OR52N4: variants seen among roughly 807,000 people sequenced by gnomAD.
The protein encoded by OR52N4 is olfactory receptor 52N4.
In OR52N4, 15 loss-of-function variants were observed where a neutral mutation model predicts 15.0. That is an observed-to-expected ratio of 1.00 (90% CI 0.67 to 1.54). The LOEUF (loss-of-function observed/expected upper bound fraction) is 1.54. Among genes scored for constraint, OR52N4 ranks in the 40% most tolerant of loss-of-function variants. The pLI, the probability that OR52N4 is intolerant of heterozygous loss-of-function variation, is 0.00. For synonymous variants in OR52N4, 143 were observed against 143.7 expected, an observed-to-expected ratio of 1.00 and a Z score of 0.03; for missense variants, 421 against 394.0, an observed-to-expected ratio of 1.07 and a Z score of -0.58.
chr11:5,746,117 T>C, the OR52N4 span, among the ~76,000 whole-genome samples: 1 of 152,164 alleles, frequency 6.6e-6, no homozygotes, highest in South Asian at 2.1e-4. Context: ...AGAATGAGCC[T>C]GAACCTCTAT....
At chr11:5,737,279 A>G in the OR52N4 span, 6 of 1,613,992 alleles carry the variant, frequency 3.7e-6, no homozygotes, top group Non-Finnish European at 4.2e-6. Flanking sequence ...TTCACATCTC[A>G]CCCTCATCCT....
chr11:5,755,552 T>TC lies in OR52N4; in HGVS notation c.818dup (p.Ser274PhefsTer41), dbSNP rs1227779071. 6.2e-7 allele frequency: 1 copy of TC among 1,613,572 alleles called. No homozygotes were observed. The highest frequency in any genetic ancestry group is 1.3e-5 in the African/African-American group (1 of 74,818). The stretch of plus-strand genomic sequence containing the variant: ...TCCCACCGCTTTGGGGAACACATAA[T>TC]CCCCCCTTCTTGCCACATCATTGTA... On this transcript the variant is annotated frameshift_variant, in exon 2 of 2. Coordinates refer to ENST00000641350, the MANE Select transcript of OR52N4 (RefSeq NM_001005175.5). LOFTEE classifies it high-confidence loss of function.
chr11:5,734,350 C>A, the OR52N4 span: 1 of 379,104 alleles, frequency 2.6e-6, no homozygotes, highest in Non-Finnish European at 5.2e-6. Flanking sequence ...ACATTTCTCT[C>A]TGTTTTAGTA....
the OR52N4 span, among the ~76,000 whole-genome samples, chr11:5,745,449 A>T: frequency 6.6e-6 from 1 of 152,152 alleles, no homozygotes; most frequent in Non-Finnish European, 1.5e-5. Flanking sequence ...CATTAACAAT[A>T]ACTAGAAAAA....
chr11:5,734,209 G>C, the OR52N4 span: 3 of 456,092 alleles, frequency 6.6e-6, no homozygotes, highest in African/African-American at 6.0e-5. Context: ...TAGGATCCCA[G>C]ACTGTGAGTC....
the OR52N4 span, among the ~76,000 whole-genome samples, chr11:5,730,486 C>T: frequency 7.9e-5 from 12 of 151,560 alleles, no homozygotes; most frequent in African/African-American, 9.7e-5. Flanking sequence ...CCACCACGCC[C>T]GGCCAGCAGT....
chr11:5,731,777 C>A, the OR52N4 span, among the ~76,000 whole-genome samples: 3 of 152,132 alleles, frequency 2.0e-5, no homozygotes, highest in African/African-American at 7.2e-5. Flanking sequence ...TTATCCAATT[C>A]TCTCTGACTT....
chr11:5,736,384 T>A, the OR52N4 span: 1 of 742,426 alleles, frequency 1.3e-6, no homozygotes, highest in Non-Finnish European at 2.2e-6. Context: ...AACAAGCACA[T>A]CCATTTAATC....
chr11:5,742,402 ATC>A, the OR52N4 span, among the ~76,000 whole-genome samples: 9 of 152,198 alleles, frequency 5.9e-5, no homozygotes, highest in Admixed American at 1.3e-4. Context: ...CAAGATGAAC[ATC>A]ACCAAGGCAT....
At chr11:5,728,338 CTATT>C in the OR52N4 span, among the ~76,000 whole-genome samples, 5 of 152,084 alleles carry the variant, frequency 3.3e-5, no homozygotes, top group African/African-American at 1.2e-4. Context: ...ATTAATTCTT[CTATT>C]TATTTATAAT....
upstream of OR52N4, among the ~76,000 whole-genome samples, chr11:5,749,725 G>C (rs1354329141): frequency 6.6e-6 from 1 of 151,842 alleles, no homozygotes; most frequent in Non-Finnish European, 1.5e-5. Flanking sequence ...CATATGAGAA[G>C]TTGGGTCTAC....
Position 5,755,390 on chromosome 11 carries a change from C to T in OR52N4, c.650C>T (p.Thr217Ile). Residue 217 changes from threonine to isoleucine, a missense_variant, in exon 2 of 2, where the codon ACC becomes ATC. Thr to Ile is a moderately conservative substitution (Grantham distance 89). Coordinates refer to ENST00000641350, the MANE Select transcript of OR52N4 (RefSeq NM_001005175.5). ...TGGGGCTTTGACATACTGTGTATCA[C>T]CAACTCCTATACCATGATTCTCCGG... is the stretch of plus-strand genomic sequence containing the variant. ...LIWGFDILCI[T>I]NSYTMILRAV... The T allele has an allele frequency of 6.2e-7, 1 of 1,614,040 alleles. No individual in the cohort carries two copies. The highest frequency in any genetic ancestry group is 8.5e-7 in the Non-Finnish European group (1 of 1,179,978).
chr11:5,754,163 G>A (rs12365988), upstream of OR52N4: 1 of 151,668 alleles, frequency 6.6e-6, no homozygotes, highest in Non-Finnish European at 1.5e-5. Context: ...TAATTTTTGA[G>A]ACCCCAAGCT....
the OR52N4 span, chr11:5,727,325 T>A: frequency 6.5e-6 from 1 of 152,818 alleles, no homozygotes; most frequent in African/African-American, 2.4e-5. Flanking sequence ...CATATTCACA[T>A]TCTTTTGGCC....
chr11:5,728,550 T>C, the OR52N4 span, among the ~76,000 whole-genome samples: 3 of 152,162 alleles, frequency 2.0e-5, no homozygotes, highest in Non-Finnish European at 2.9e-5. Context: ...TCGCCAATAG[T>C]ACACATTTTT....
upstream of OR52N4, among the ~76,000 whole-genome samples, chr11:5,750,257 T>G (rs1032057456): frequency 6.6e-6 from 1 of 151,988 alleles, no homozygotes; most frequent in Non-Finnish European, 1.5e-5. Context: ...AGTGGAACCA[T>G]GAACACATAC....
chr11:5,752,296 C>A (rs962974449), upstream of OR52N4, among the ~76,000 whole-genome samples: 4 of 152,142 alleles, frequency 2.6e-5, no homozygotes, highest in Admixed American at 1.3e-4. Flanking sequence ...ACAAGTTTAA[C>A]CTGTGTTTTT....
At chr11:5,753,470 T>C (rs1450441343), upstream of OR52N4, among the ~76,000 whole-genome samples, 2 of 152,186 alleles carry the variant, frequency 1.3e-5, no homozygotes, top group Non-Finnish European at 2.9e-5. Context: ...AACTTTTTCT[T>C]ACTGATGTTG....
At chr11:5,743,887 A>C in the OR52N4 span, among the ~76,000 whole-genome samples, 21 of 152,154 alleles carry the variant, frequency 1.4e-4, no homozygotes, top group Non-Finnish European at 2.9e-4. Flanking sequence ...AATATCAGAG[A>C]AGAGATAAAT....
Sources: gnomAD v4.1 joint callset for allele counts (sites outside exome capture counted in the v4.1 genomes callset) on GRCh38, gnomAD v4.1.1 for gene constraint, MANE v1.5 for transcripts, NCBI Gene and HGNC (gene_info 2026-07-23, HGNC 2026-07-21) for gene names.